The following UNC13C variants were observed in gnomAD, a reference collection of about 807,000 sequenced individuals.
The protein encoded by UNC13C is unc-13 homolog C, also known as protein unc-13 homolog C.
UNC13C carries 174 observed loss-of-function variants against 245.4 expected under a neutral mutation model. The observed-to-expected ratio is 0.71, with a 90% CI of 0.63 to 0.80. The LOEUF (loss-of-function observed/expected upper bound fraction) is 0.80, where lower values mean the gene tolerates loss of function less well. Ranked by LOEUF, UNC13C falls within the 30% of genes least tolerant of loss-of-function variation. The pLI is 0.00. For synonymous variants in UNC13C, 992 were observed against 895.1 expected, an observed-to-expected ratio of 1.11 and a Z score of -1.93; for missense variants, 2,829 against 2,602.9, an observed-to-expected ratio of 1.09 and a Z score of -1.89.
At chr15:54,116,945 T>A (rs148218161) in intron 2 of UNC13C, among the ~76,000 whole-genome samples, 108 of 152,286 alleles carry the variant, frequency 7.1e-4, no homozygotes, top group African/African-American at 2.4e-3. Context: ...TTATTACTGA[T>A]CTTTTTGATA....
intron 18 of UNC13C, among the ~76,000 whole-genome samples, chr15:54,400,263 T>C (rs1216880082): frequency 2.0e-5 from 3 of 151,846 alleles, no homozygotes; most frequent in Non-Finnish European, 4.4e-5. Flanking sequence ...TTAAAGAAGA[T>C]TTTTTTTACA....
At chr15:53,861,482 AAT>A in the UNC13C span, among the ~76,000 whole-genome samples, 1 of 152,074 alleles carries the variant, frequency 6.6e-6, no homozygotes, top group African/African-American at 2.4e-5. Context: ...TCATAATAAA[AAT>A]ATATCATCTT....
chr15:54,410,149 C>T (rs567212862), intron 18 of UNC13C, among the ~76,000 whole-genome samples: 6 of 152,140 alleles, frequency 3.9e-5, no homozygotes, highest in South Asian at 4.1e-4. Flanking sequence ...TTTTTTCACA[C>T]GCTTTTTGGC....
At chr15:54,508,076 C>T (rs1338391477) in intron 23 of UNC13C, among the ~76,000 whole-genome samples, 2 of 151,906 alleles carry the variant, frequency 1.3e-5, no homozygotes, top group Non-Finnish European at 2.9e-5. Context: ...GCTTCTTTTC[C>T]TTAAATTAAT....
rs138154908 is a variant in UNC13C at position 54,456,143 on chromosome 15, G to A, written c.4934-38465G>A. Among the ~76,000 whole-genome samples the A allele has an allele frequency of 1.8e-4, 28 of 151,622 alleles. No homozygotes were observed. The East Asian group carries it at 2.9e-3, about 16-fold the overall frequency. On this transcript the variant is annotated intron_variant, in intron 19 of 32. Transcript: ENST00000260323. ...TAGGGTTTCCTTTCCCCACTTTGCC[G>A]AGCATCAGTTGGCTGTGAGGATTTG...
rs778863904 is a variant in UNC13C at position 54,626,965 on chromosome 15, G to A, written c.6497G>A (p.Gly2166Glu). Residue 2166 changes from glycine (G) to glutamate (E), a missense_variant, in exon 33 of 33, where the codon GGG becomes GAG. Physicochemically the swap from Gly to Glu is moderately conservative, Grantham distance 98. Transcript: ENST00000260323. Reference sequence around the variant, plus strand: ...AACATAGCAGAAAAGGGAAGCTATGGGGCATGGTATCCTCTTCTGAAAAAT... The same window carrying A: ...AACATAGCAGAAAAGGGAAGCTATGAGGCATGGTATCCTCTTCTGAAAAAT... ...LQNIAEKGSYGAWYPLLKNIS... is the reference protein window; with the variant it reads ...LQNIAEKGSYEAWYPLLKNIS... 1 of 1,613,438 alleles carries A rather than the reference G, an allele frequency of 6.2e-7. No individual in the cohort carries two copies. Among genetic ancestry groups the A allele is most frequent in the South Asian group, 1.1e-5 (1 of 91,068 alleles).
chr15:53,961,434 G>C, the UNC13C span, among the ~76,000 whole-genome samples: 3 of 152,238 alleles, frequency 2.0e-5, no homozygotes, highest in African/African-American at 7.2e-5. Flanking sequence ...CATGAGGAGG[G>C]ATGAATGTAC....
chr15:54,628,724 A>T (rs182446154), downstream of UNC13C: 6 of 152,344 alleles, frequency 3.9e-5, no homozygotes, highest in East Asian at 3.9e-4. Flanking sequence ...TGGTTCTAAC[A>T]TCTCATTAAA....
intron 4 of UNC13C, among the ~76,000 whole-genome samples, chr15:54,222,676 C>T (rs1486287234): frequency 2.0e-5 from 3 of 152,058 alleles, no homozygotes; most frequent in African/African-American, 7.2e-5. Flanking sequence ...AAACTGATCT[C>T]CATAGTGCTT....
At chr15:54,071,066 C>G (rs922618949) in intron 2 of UNC13C, among the ~76,000 whole-genome samples, 4 of 152,084 alleles carry the variant, frequency 2.6e-5, no homozygotes, top group Non-Finnish European at 4.4e-5. Context: ...CTAGCAGAGT[C>G]TGGTGTAGCA....
chr15:53,905,399 T>TACAC, the UNC13C span, among the ~76,000 whole-genome samples: 25,200 of 123,364 alleles, frequency 0.2, 2,422 homozygotes, highest in Non-Finnish European at 0.26. Flanking sequence ...TATTACTTTA[T>TACAC]ACACACACAC....
At chr15:54,262,724 A>G (rs191968004) in intron 8 of UNC13C, among the ~76,000 whole-genome samples, 1 of 152,240 alleles carries the variant, frequency 6.6e-6, no homozygotes, top group East Asian at 1.9e-4. Flanking sequence ...AAAGTTTAAA[A>G]TAAAAGATAA....
At chr15:54,401,780 A>C (rs16974583) in intron 18 of UNC13C, among the ~76,000 whole-genome samples, 1,634 of 152,136 alleles carry the variant, frequency 0.011, 30 homozygotes, top group African/African-American at 0.037. Flanking sequence ...CGGAAGGAGC[A>C]TCTTGTCTGT....
intron 4 of UNC13C, among the ~76,000 whole-genome samples, chr15:54,166,136 T>G (rs1015647077): frequency 6.6e-6 from 1 of 152,074 alleles, no homozygotes; most frequent in Non-Finnish European, 1.5e-5. Flanking sequence ...ATTATAGCAT[T>G]ATTGATCTTG....
At position 54,265,397 on chromosome 15, in the gene UNC13C, C is replaced by G. The variant is rs1404041344; in HGVS notation, c.3719C>G (p.Ser1240Cys). ...CTACAGGCAAAAGATAAAACAGGGT[C>G]TAGTGATCCATATGTTACAGTTCAA... ...QGLQAKDKTG[S>C]SDPYVTVQVG... The change falls in exon 10 of 33, where the codon TCT (serine) becomes TGT (cysteine). Residue 1240 changes from serine (S) to cysteine (C), a missense_variant. Coordinates refer to ENST00000260323, the MANE Select transcript of UNC13C (RefSeq NM_001080534.3). 14 of 1,588,480 alleles carry G rather than the reference C, an allele frequency of 8.8e-6. No homozygotes were observed. Among genetic ancestry groups the G allele is most frequent in the Non-Finnish European group, 1.2e-5 (14 of 1,165,446 alleles).
At chr15:54,223,997 A>C (rs576686836) in intron 4 of UNC13C, among the ~76,000 whole-genome samples, 5 of 152,244 alleles carry the variant, frequency 3.3e-5, no homozygotes, top group Admixed American at 6.5e-5. Context: ...GTATCCTGCA[A>C]CTTTACTAAA....
At chr15:54,392,942 T>A in intron 17 of UNC13C, 106 bp from the exon 18 acceptor site, 1 of 1,325,896 alleles carries the variant, frequency 7.5e-7, no homozygotes, top group Non-Finnish European at 1.0e-6. Flanking sequence ...AATCTAAGTT[T>A]CATTTCCACA....
intron 2 of UNC13C, among the ~76,000 whole-genome samples, chr15:54,092,714 A>G (rs55863224): frequency 0.14 from 20,804 of 152,150 alleles, 1,512 homozygotes; most frequent in Middle Eastern, 0.21. Flanking sequence ...ATGAACTCAT[A>G]GTATCAAAAC....
intron 1 of UNC13C, among the ~76,000 whole-genome samples, chr15:54,000,161 A>G (rs1894819374): frequency 6.6e-6 from 1 of 152,146 alleles, no homozygotes; most frequent in Non-Finnish European, 1.5e-5. Context: ...CTCCTAAAAT[A>G]GAGTCTTAAA....
Sources: gnomAD v4.1 joint callset for allele counts (sites outside exome capture counted in the v4.1 genomes callset) on GRCh38, gnomAD v4.1.1 for gene constraint, MANE v1.5 for transcripts, NCBI Gene and HGNC (gene_info 2026-07-23, HGNC 2026-07-21) for gene names.